C8orf34: variants seen among roughly 807,000 people sequenced by gnomAD.
The protein encoded by C8orf34 is chromosome 8 open reading frame 34.
Under a neutral mutation model 68.3 loss-of-function variants are expected in C8orf34, and 65 were observed. The observed-to-expected ratio is 0.95, with a 90% CI of 0.78 to 1.17. C8orf34 has a LOEUF of 1.17. C8orf34 is among the 50% of genes most tolerant of loss of function. The pLI is 0.00. For missense variants in C8orf34, 664 were observed against 655.4 expected, an observed-to-expected ratio of 1.01 and a Z score of -0.14; for synonymous variants, 244 against 241.2, an observed-to-expected ratio of 1.01 and a Z score of -0.11.
chr8:68,650,344 C>A (rs911287313), intron 8 of C8orf34, among the ~76,000 whole-genome samples: 1 of 151,978 alleles, frequency 6.6e-6, no homozygotes, highest in African/African-American at 2.4e-5. Context: ...ATTACCAGTT[C>A]CTTGGTGAAA....
intron 2 of C8orf34, among the ~76,000 whole-genome samples, chr8:68,441,056 G>T (rs1810887697): frequency 6.6e-6 from 1 of 152,012 alleles, no homozygotes; most frequent in Non-Finnish European, 1.5e-5. Context: ...CGCCCTCCTT[G>T]GCCTCCCAAA....
intron 10 of C8orf34, among the ~76,000 whole-genome samples, chr8:68,757,624 A>AAAAC (rs1822903767): frequency 6.6e-6 from 1 of 151,826 alleles, no homozygotes; most frequent in East Asian, 2.0e-4. Flanking sequence ...CCGTCTCAAA[A>AAAAC]AAATAAATAA....
At chr8:68,483,401 G>A (rs1812943241) in intron 4 of C8orf34, among the ~76,000 whole-genome samples, 1 of 152,120 alleles carries the variant, frequency 6.6e-6, no homozygotes, top group African/African-American at 2.4e-5. Context: ...AGCCGTGTGT[G>A]CCTGGGGAGG....
chr8:68,592,596 CTTTTTTTTTT>C (rs869214252), intron 7 of C8orf34, among the ~76,000 whole-genome samples: 1 of 26,496 alleles, frequency 3.8e-5, no homozygotes, highest in Non-Finnish European at 8.1e-5. Flanking sequence ...TTTATCTCTT[CTTTTTTTTTT>C]TTTTTTTTTT....
chr8:68,776,450 G>A lies in C8orf34; in HGVS notation c.1455+1G>A, dbSNP rs554409474. 1.9e-6 allele frequency: 3 copies of A among 1,612,004 alleles called. No homozygotes were observed. Among genetic ancestry groups the A allele is most frequent in the Non-Finnish European group, 2.5e-6 (3 of 1,178,300 alleles). On this transcript the variant is annotated splice_donor_variant, in intron 11 of 13. Transcript: ENST00000518698. LOFTEE classifies it high-confidence loss of function. ...CTCACTGAAAAACTACATGGAAGAA[G>A]TGAGTTTTAAGGTTGCTTTATAATG... is the stretch of plus-strand genomic sequence containing the variant.
chr8:68,616,779 G>A (rs567961095), intron 7 of C8orf34, among the ~76,000 whole-genome samples: 2 of 152,270 alleles, frequency 1.3e-5, no homozygotes, highest in African/African-American at 4.8e-5. Flanking sequence ...GATCTGGGGT[G>A]GAGAGTTCTG....
chr8:68,553,424 C>G (rs1438484335), intron 7 of C8orf34, among the ~76,000 whole-genome samples: 2 of 147,138 alleles, frequency 1.4e-5, no homozygotes, highest in Non-Finnish European at 3.0e-5. Flanking sequence ...ATCCTCCACT[C>G]ATTTTTTGGA....
rs553606216 is a variant in C8orf34, at chr8:68,815,712, C to T, written c.1550-174C>T. Among the ~76,000 whole-genome samples, 20 of 152,256 alleles carry T rather than the reference C, an allele frequency of 1.3e-4. No individual in the cohort carries two copies. The South Asian group carries it at 4.1e-3, about 32-fold the overall frequency. On this transcript the variant is annotated intron_variant, in intron 12 of 13. Transcript: ENST00000518698. ...GACTGAATAATGGAATGAAGATATA[C>T]ACACTTCTAAGGAGTTAAAATACAG...
At chr8:68,390,748 G>A (rs959855119) in intron 1 of C8orf34, among the ~76,000 whole-genome samples, 12 of 152,240 alleles carry the variant, frequency 7.9e-5, no homozygotes, top group African/African-American at 2.9e-4. Flanking sequence ...GGTAGTCACA[G>A]TCTGTATCAG....
intron 11 of C8orf34, among the ~76,000 whole-genome samples, chr8:68,782,385 A>G (rs1403207913): frequency 6.6e-6 from 1 of 151,960 alleles, no homozygotes; most frequent in Non-Finnish European, 1.5e-5. Flanking sequence ...AGTCCTTACA[A>G]TAAACACTGG....
chr8:68,533,275 AT>A lies in C8orf34; in HGVS notation c.1105+130del, dbSNP rs1033955405. On this transcript the variant is annotated intron_variant, in intron 7 of 13. Coordinates refer to ENST00000518698, the MANE Select transcript of C8orf34 (RefSeq NM_052958.4). ...AGGGAAAAGAAACCATTTAGTACAT[AT>A]TTTATTTACATTAGACTCACATAAA... 5.7e-6 allele frequency: 8 copies of A among 1,408,232 alleles called. No homozygotes were observed. The African/African-American group carries it at 8.7e-5, about 15-fold the overall frequency. 87.2% of individuals were successfully genotyped at this position (1,408,232 alleles called of 1,614,324 possible). A position where few individuals can be genotyped will look rare whatever the true frequency, so the allele number is the denominator to read the frequency against.
At chr8:68,651,202 C>A (rs1410362221) in intron 8 of C8orf34, among the ~76,000 whole-genome samples, 1 of 152,084 alleles carries the variant, frequency 6.6e-6, no homozygotes, top group African/African-American at 2.4e-5. Flanking sequence ...TTCCATAAAA[C>A]CTTTTCCCAA....
chr8:68,405,687 A>AAC (rs1417644146), intron 1 of C8orf34, among the ~76,000 whole-genome samples: 1 of 152,224 alleles, frequency 6.6e-6, no homozygotes, highest in Non-Finnish European at 1.5e-5. Context: ...GAACAGGTAA[A>AAC]ACACACAAGA....
At chr8:68,622,462 A>T (rs1039718223) in intron 7 of C8orf34, among the ~76,000 whole-genome samples, 7 of 152,174 alleles carry the variant, frequency 4.6e-5, no homozygotes, top group African/African-American at 7.2e-5. Context: ...AAGGAAAAAA[A>T]AAATAAAAGT....
intron 8 of C8orf34, among the ~76,000 whole-genome samples, chr8:68,660,149 A>T (rs1272090004): frequency 2.0e-5 from 3 of 152,160 alleles, no homozygotes; most frequent in African/African-American, 4.8e-5. Flanking sequence ...GAGAGGACAG[A>T]GGAGGAAAAA....
At chr8:68,719,865 C>T (rs1051389352) in intron 9 of C8orf34, among the ~76,000 whole-genome samples, 14 of 151,840 alleles carry the variant, frequency 9.2e-5, no homozygotes, top group African/African-American at 3.4e-4. Context: ...AATACACAAG[C>T]AAAACAAGAA....
intron 7 of C8orf34, among the ~76,000 whole-genome samples, chr8:68,632,527 A>G (rs1468260186): frequency 6.6e-6 from 1 of 152,188 alleles, no homozygotes; most frequent in African/African-American, 2.4e-5. Flanking sequence ...GGCTGCAGAT[A>G]TTTGCATAAG....
intron 12 of C8orf34, among the ~76,000 whole-genome samples, chr8:68,796,305 G>T (rs564213815): frequency 5.9e-5 from 9 of 152,026 alleles, no homozygotes; most frequent in Admixed American, 1.3e-4. Context: ...TGTTCTTATT[G>T]CTTTTCAGGA....
chr8:68,560,866 A>G (rs1453890298), intron 7 of C8orf34, among the ~76,000 whole-genome samples: 1 of 151,472 alleles, frequency 6.6e-6, no homozygotes, highest in Non-Finnish European at 1.5e-5. Flanking sequence ...CTCTGTAAAC[A>G]CTCTACATTT....
Sources: allele counts gnomAD v4.1 joint callset (sites outside exome capture counted in the v4.1 genomes callset), GRCh38; gene constraint gnomAD v4.1.1; transcripts MANE v1.5; gene names NCBI Gene and HGNC (gene_info 2026-07-23, HGNC 2026-07-21).